Variants in NT5C1A observed in about 807,000 individuals in gnomAD.
NT5C1A encodes cytosolic 5'-nucleotidase 1A.
Under a neutral mutation model 31.0 loss-of-function variants are expected in NT5C1A, and 18 were observed. The ratio of observed to expected loss-of-function variants is 0.58; its 90% CI spans 0.40 to 0.86. The LOEUF (loss-of-function observed/expected upper bound fraction) is 0.86, where lower values mean the gene tolerates loss of function less well. Ranked by LOEUF, NT5C1A falls within the 40% of genes least tolerant of loss-of-function variation. The pLI is 0.00. For missense variants in NT5C1A, 470 were observed against 505.4 expected, an observed-to-expected ratio of 0.93 and a Z score of 0.67; for synonymous variants, 185 against 203.6, an observed-to-expected ratio of 0.91 and a Z score of 0.78.
chr1:39,667,194 CTCT>C lies in NT5C1A; in HGVS notation c.136-961_136-959del, dbSNP rs1355520896. On this transcript the variant is annotated intron_variant, in intron 1 of 5. Coordinates refer to ENST00000235628, the MANE Select transcript of NT5C1A (RefSeq NM_032526.3). ...TCTCACATCAGGTCATACTTTCCCCCTCTTTTTTTTTTTTTTTTTTTTCTGAGA... is the reference window on the plus strand; with the variant it reads ...TCTCACATCAGGTCATACTTTCCCCCTTTTTTTTTTTTTTTTTTTCTGAGA... Among the ~76,000 whole-genome samples, 4 of 124,852 alleles carry C rather than the reference CTCT, an allele frequency of 3.2e-5. No homozygotes were observed. The Admixed American group carries it at 3.7e-4, about 11-fold the overall frequency. 81.9% of individuals were successfully genotyped at this position (124,852 alleles called of 152,430 possible). A position where few individuals can be genotyped will look rare whatever the true frequency, so the allele number is the denominator to read the frequency against.
chr1:39,664,490 C>CCTCCTCCTCCTCCTCTCCT (rs1553485420), intron 3 of NT5C1A, among the ~76,000 whole-genome samples: 1 of 2,900 alleles, frequency 3.4e-4, no homozygotes, highest in Non-Finnish European at 6.1e-4. Context: ...GTGGATTTCT[C>CCTCCTCCTCCTCCTCTCCT]CTCCTCTCCT....
intron 5 of NT5C1A, among the ~76,000 whole-genome samples, chr1:39,660,060 G>GA (rs1490370490): frequency 6.6e-6 from 1 of 152,206 alleles, no homozygotes; most frequent in East Asian, 1.9e-4. Flanking sequence ...CAACGATGAA[G>GA]AAAACTGCTT....
At chr1:39,671,818 C>A in intron 1 of NT5C1A, 86 bp downstream of exon 1, 1 of 1,530,368 alleles carries the variant, frequency 6.5e-7, no homozygotes. Context: ...CAGAGGGGCG[C>A]CACGGGTCCC....
chr1:39,657,248 G>A lies in NT5C1A; in HGVS notation c.*1873C>T, dbSNP rs1402036575. ...CAGCCTTTCTCTTCTGGCCCAAATC[G>A]TTGCTCATTTGAGAACCGTCTCTGC... is the stretch of plus-strand genomic sequence containing the variant. On this transcript the variant is annotated 3_prime_UTR_variant, in exon 6 of 6. Coordinates refer to ENST00000235628, the MANE Select transcript of NT5C1A (RefSeq NM_032526.3). Among the ~76,000 whole-genome samples the A allele has an allele frequency of 6.6e-6, 1 of 152,102 alleles. No individual in the cohort carries two copies. Among genetic ancestry groups the A allele is most frequent in the African/African-American group, 2.4e-5 (1 of 41,392 alleles).
At chr1:39,659,646 C>A (rs1646480252) in intron 5 of NT5C1A, among the ~76,000 whole-genome samples, 160 bp from the exon 6 acceptor site, 1 of 152,206 alleles carries the variant, frequency 6.6e-6, no homozygotes, top group South Asian at 2.1e-4. Flanking sequence ...ACTGTGTGCA[C>A]CAGCGCGGCT....
chr1:39,671,341 G>A (rs2124167691), intron 1 of NT5C1A, among the ~76,000 whole-genome samples: 1 of 152,348 alleles, frequency 6.6e-6, no homozygotes, highest in East Asian at 1.9e-4. Context: ...GGCCAGGGGC[G>A]CCGATCGCCC....
rs775588764 is a variant in NT5C1A, at chr1:39,661,074, A to T, written c.741+5T>A. On this transcript the variant is annotated splice_donor_5th_base_variant and intron_variant, in intron 5 of 5. Transcript: ENST00000235628. ...TCTCAGGGGTTCTGGGTCTATGGGG[A>T]GCACCTGAGCCAGAGGTTTGTTCTC... The T allele has an allele frequency of 6.4e-7, 1 of 1,559,350 alleles. No homozygotes were observed. The highest frequency in any genetic ancestry group is 1.1e-5 in the South Asian group (1 of 88,468).
intron 5 of NT5C1A, 66 bp from the exon 6 acceptor site, chr1:39,659,552 C>T (rs955485841): frequency 6.6e-7 from 1 of 1,505,892 alleles, no homozygotes; most frequent in South Asian, 1.3e-5. Flanking sequence ...CCTGCTCTCC[C>T]TAAAGCACTA....
rs1646441477 is a variant in NT5C1A at position 39,653,084 on chromosome 1, G to A, written c.*6037C>T. Among the ~76,000 whole-genome samples the A allele has an allele frequency of 6.6e-6, 1 of 152,162 alleles. No individual in the cohort carries two copies. Among genetic ancestry groups the A allele is most frequent in the South Asian group, 2.1e-4 (1 of 4,818 alleles). Reference sequence around the variant, plus strand: ...ACACGTTGGCCTTGGCACTGTTAGGGGGAGGGAAGAAACAAATGGAGATGA... The same window carrying A: ...ACACGTTGGCCTTGGCACTGTTAGGAGGAGGGAAGAAACAAATGGAGATGA... On this transcript the variant is annotated 3_prime_UTR_variant, in exon 6 of 6. Coordinates refer to ENST00000235628, the MANE Select transcript of NT5C1A (RefSeq NM_032526.3).
chr1:39,671,845 G>C, intron 1 of NT5C1A, 59 bp downstream of exon 1: 1 of 1,599,476 alleles, frequency 6.3e-7, no homozygotes, highest in Non-Finnish European at 8.5e-7. Context: ...AGAGACTTAT[G>C]ACCCCTCCTC....
rs572905596 is a variant in NT5C1A at position 39,658,759 on chromosome 1, C to G, written c.*362G>C. Among the ~76,000 whole-genome samples, 19 of 152,322 alleles carry G rather than the reference C, an allele frequency of 1.2e-4. No individual in the cohort carries two copies. Among genetic ancestry groups the G allele is most frequent in the African/African-American group, 4.1e-4 (17 of 41,556 alleles). On this transcript the variant is annotated 3_prime_UTR_variant, in exon 6 of 6. Transcript: ENST00000235628. ...ACAGAGCTTAGAAGCCAGATCCACT[C>G]TCTCCCATAGCAGTGTTGTTTACAC...
intron 1 of NT5C1A, among the ~76,000 whole-genome samples, chr1:39,666,646 T>C (rs1646524637): frequency 6.6e-6 from 1 of 152,132 alleles, no homozygotes. Flanking sequence ...AATATGACAA[T>C]TTATATAAAA....
rs1646449782 is a variant in NT5C1A, at chr1:39,654,481, A to G, written c.*4640T>C. 6.6e-6 allele frequency among the ~76,000 whole-genome samples: 1 copy of G among 152,242 alleles called. No individual in the cohort carries two copies. The highest frequency in any genetic ancestry group is 6.5e-5 in the Admixed American group (1 of 15,290). On this transcript the variant is annotated 3_prime_UTR_variant, in exon 6 of 6. Coordinates refer to ENST00000235628, the MANE Select transcript of NT5C1A (RefSeq NM_032526.3). ...GCCTAAGAGGCCCCATGAGGAAATGAGTCGGGAATACAAAGCCATGCTGGA... is the reference window on the plus strand; with the variant it reads ...GCCTAAGAGGCCCCATGAGGAAATGGGTCGGGAATACAAAGCCATGCTGGA...
chr1:39,659,017 G>T lies in NT5C1A; in HGVS notation c.*104C>A, dbSNP rs1646476582. ...CACTCATAGGGATGAGGGCAGACAG[G>T]CAGAAGGACAGAACAGTGAGAAACT... On this transcript the variant is annotated 3_prime_UTR_variant, in exon 6 of 6. Coordinates refer to ENST00000235628, the MANE Select transcript of NT5C1A (RefSeq NM_032526.3). 2.1e-6 allele frequency: 3 copies of T among 1,423,438 alleles called. No homozygotes were observed. Among genetic ancestry groups the T allele is most frequent in the South Asian group, 2.8e-5 (2 of 72,446 alleles). The allele number at this position is 1,423,438 out of a possible 1,614,324, so 88.2% of individuals were successfully genotyped here.
rs138610243 is a variant in NT5C1A at position 39,655,842 on chromosome 1, A to G, written c.*3279T>C. ...AGACATTCAGGGGACTCAGCGCAGC[A>G]TTATCTACCAACTGCTATGGAGGTA... On this transcript the variant is annotated 3_prime_UTR_variant, in exon 6 of 6. Coordinates refer to ENST00000235628, the MANE Select transcript of NT5C1A (RefSeq NM_032526.3). 1.4e-4 allele frequency among the ~76,000 whole-genome samples: 21 copies of G among 152,102 alleles called. No homozygotes were observed. The East Asian group carries it at 3.1e-3, about 22-fold the overall frequency.
At position 39,666,057 on chromosome 1, in the gene NT5C1A, C is replaced by T. The variant is rs752421009; in HGVS notation, c.303+12G>A. The T allele has an allele frequency of 3.7e-6, 6 of 1,609,340 alleles. No homozygotes were observed. The highest frequency in any genetic ancestry group is 4.2e-6 in the Non-Finnish European group (5 of 1,177,912). ...GGCGCTATATGAGCTAGTGGTGGAA[C>T]TGCTCCCTCACCTTCACAAAAGGGA... On this transcript the variant is annotated intron_variant, in intron 2 of 5. Transcript: ENST00000235628.
At chr1:39,671,797 G>T in intron 1 of NT5C1A, 107 bp downstream of exon 1, 2 of 1,344,264 alleles carry the variant, frequency 1.5e-6, no homozygotes, top group Admixed American at 1.9e-5. Context: ...CTGAGGAGCT[G>T]CGTCCCCTCC....
intron 4 of NT5C1A, among the ~76,000 whole-genome samples, 172 bp downstream of exon 4, chr1:39,663,140 G>A (rs1339547704): frequency 6.6e-6 from 1 of 152,148 alleles, no homozygotes; most frequent in Non-Finnish European, 1.5e-5. Flanking sequence ...GTAGGGCCTT[G>A]GTTTCAGAAT....
At position 39,653,515 on chromosome 1, in the gene NT5C1A, G is replaced by A. The variant is rs143728081; in HGVS notation, c.*5606C>T. ...ATCCATACACACAATCACAGTAATTGCCGGCAAGAGCAATCGGCTCGTCAC... is the reference window on the plus strand; with the variant it reads ...ATCCATACACACAATCACAGTAATTACCGGCAAGAGCAATCGGCTCGTCAC... On this transcript the variant is annotated 3_prime_UTR_variant, in exon 6 of 6. Transcript: ENST00000235628. Among the ~76,000 whole-genome samples, 1 of 152,244 alleles carries A rather than the reference G, an allele frequency of 6.6e-6. No individual in the cohort carries two copies. The highest frequency in any genetic ancestry group is 2.4e-5 in the African/African-American group (1 of 41,524).
Sources: allele counts gnomAD v4.1 joint callset (sites outside exome capture counted in the v4.1 genomes callset), GRCh38; gene constraint gnomAD v4.1.1; transcripts MANE v1.5; gene names NCBI Gene and HGNC (gene_info 2026-07-23, HGNC 2026-07-21).